FGF20: variants seen among roughly 807,000 people sequenced by gnomAD.
FGF20 encodes the protein fibroblast growth factor 20.
A neutral mutation model predicts 16.7 loss-of-function variants in FGF20; 8 were observed. That is an observed-to-expected ratio of 0.48 (90% confidence interval 0.28 to 0.87). FGF20 has a LOEUF of 0.87. Ranked by LOEUF, FGF20 falls within the 40% of genes least tolerant of loss-of-function variation. The pLI is 0.10. For missense variants in FGF20, 397 were observed against 281.4 expected, an observed-to-expected ratio of 1.41 and a Z score of -2.94; for synonymous variants, 161 against 118.6, an observed-to-expected ratio of 1.36 and a Z score of -2.32.
At chr8:16,994,213 C>A (rs1257433950) in intron 2 of FGF20, among the ~76,000 whole-genome samples, 2 of 152,200 alleles carry the variant, frequency 1.3e-5, no homozygotes, top group Non-Finnish European at 2.9e-5. Flanking sequence ...CAGAGTTCTA[C>A]CTATCAAGTC....
intron 1 of FGF20, among the ~76,000 whole-genome samples, chr8:16,997,834 G>A (rs1810090660): frequency 6.6e-6 from 1 of 151,804 alleles, no homozygotes; most frequent in Non-Finnish European, 1.5e-5. Context: ...AAACATAATT[G>A]GTAGAAAATA....
Position 17,001,770 on chromosome 8 carries a change from G to T in FGF20, c.263C>A (p.Thr88Asn). ...ACCGAAGAGGCTGTGGTCCTGCCGG[G>T]TGCCCTGCACGCTGCCGTCGGGCAG... The part of the protein sequence containing the change: ...QILPDGSVQG[T>N]RQDHSLFGIL... Residue 88 changes from threonine (T) to asparagine (N), a missense_variant, in exon 1 of 3, where the codon ACC (threonine) becomes AAC (asparagine). Coordinates refer to ENST00000180166, the MANE Select transcript of FGF20 (RefSeq NM_019851.3). 2.5e-6 allele frequency: 4 copies of T among 1,577,066 alleles called. No individual in the cohort carries two copies. The highest frequency in any genetic ancestry group is 3.4e-6 in the Non-Finnish European group (4 of 1,165,206).
At chr8:16,994,227 ACT>A (rs1809989226) in intron 2 of FGF20, among the ~76,000 whole-genome samples, 1 of 152,158 alleles carries the variant, frequency 6.6e-6, no homozygotes, top group African/African-American at 2.4e-5. Context: ...TCAAGTCTCT[ACT>A]CTCACCTTGG....
Position 17,000,250 on chromosome 8 carries a change from A to G in FGF20, c.286+1497T>C, listed in dbSNP as rs191648181. ...TCATGACAGTCTTGACTGATAGTCA[A>G]TGGGAATTTGGAAGAGATCAGTGGA... On this transcript the variant is annotated intron_variant, in intron 1 of 2. Coordinates refer to ENST00000180166, the MANE Select transcript of FGF20 (RefSeq NM_019851.3). 6.6e-3 allele frequency among the ~76,000 whole-genome samples: 1,004 copies of G among 152,312 alleles called. 10 individuals carry two copies. The highest frequency in any genetic ancestry group is 0.011 in the Non-Finnish European group (722 of 68,018).
chr8:16,997,039 A>G (rs910380661), intron 1 of FGF20, among the ~76,000 whole-genome samples: 12 of 152,238 alleles, frequency 7.9e-5, no homozygotes, highest in African/African-American at 2.4e-4. Flanking sequence ...TGATAGCCAA[A>G]TATAATGAAT....
At chr8:17,001,652 A>G (rs1810186497) in intron 1 of FGF20, 95 bp downstream of exon 1, 2 of 1,345,990 alleles carry the variant, frequency 1.5e-6, no homozygotes, top group Admixed American at 2.9e-5. Flanking sequence ...CGCGGCGATG[A>G]CGCCCTTGGC....
At chr8:16,999,347 A>G (rs1439074412) in intron 1 of FGF20, among the ~76,000 whole-genome samples, 1 of 152,162 alleles carries the variant, frequency 6.6e-6, no homozygotes, top group East Asian at 1.9e-4. Flanking sequence ...TAATTCTGAT[A>G]TTCAACTTCC....
chr8:17,001,452 G>C (rs1381378672), intron 1 of FGF20, among the ~76,000 whole-genome samples: 1 of 152,094 alleles, frequency 6.6e-6, no homozygotes, highest in Non-Finnish European at 1.5e-5. Flanking sequence ...GAAGGGCAAG[G>C]GGAAGGCAGG....
At position 16,993,070 on chromosome 8, in the gene FGF20, C is replaced by T; in HGVS notation, c.*2G>A. 1 of 1,613,560 alleles carries T rather than the reference C, an allele frequency of 6.2e-7. No individual in the cohort carries two copies. The highest frequency in any genetic ancestry group is 8.5e-7 in the Non-Finnish European group (1 of 1,179,846). On this transcript the variant is annotated 3_prime_UTR_variant, in exon 3 of 3. Coordinates refer to ENST00000180166, the MANE Select transcript of FGF20 (RefSeq NM_019851.3). ...ACTCTTCCATAATGTCACTATCGCA[C>T]TTCAAGTGTACATCAGTAGGTCCTT...
chr8:16,999,110 C>T (rs1436980157), intron 1 of FGF20, among the ~76,000 whole-genome samples: 1 of 152,176 alleles, frequency 6.6e-6, no homozygotes, highest in Non-Finnish European at 1.5e-5. Context: ...GTTATGATGT[C>T]TATGATATTG....
chr8:17,001,219 C>T (rs1002091251), intron 1 of FGF20, among the ~76,000 whole-genome samples: 6 of 152,122 alleles, frequency 3.9e-5, no homozygotes, highest in Admixed American at 6.5e-5. Flanking sequence ...CAATCCATGC[C>T]CAGAGCAGCC....
chr8:17,002,290 C>G lies in FGF20; in HGVS notation c.-258G>C, dbSNP rs1452535126. On this transcript the variant is annotated 5_prime_UTR_variant, in exon 1 of 3. Coordinates refer to ENST00000180166, the MANE Select transcript of FGF20 (RefSeq NM_019851.3). ...ATATCTATAGCTGCCGCTGCCAATACTAGGACTAGGGCTGTTGGCTGGGGC... is the reference window on the plus strand; with the variant it reads ...ATATCTATAGCTGCCGCTGCCAATAGTAGGACTAGGGCTGTTGGCTGGGGC... 1 of 418,636 alleles carries G rather than the reference C, an allele frequency of 2.4e-6. No homozygotes were observed. The highest frequency in any genetic ancestry group is 4.6e-5 in the East Asian group (1 of 21,976). 25.9% of individuals were successfully genotyped at this position (418,636 alleles called of 1,614,324 possible).
chr8:16,994,930 G>C (rs1046921557), intron 2 of FGF20, among the ~76,000 whole-genome samples: 3 of 152,110 alleles, frequency 2.0e-5, no homozygotes, highest in Non-Finnish European at 4.4e-5. Context: ...GGTAGAGTGT[G>C]ATATTGTCCT....
Position 17,001,714 on chromosome 8 carries a change from A to C in FGF20, c.286+33T>G, listed in dbSNP as rs374860277. 72 of 1,547,754 alleles carry C rather than the reference A, an allele frequency of 4.7e-5. No homozygotes were observed. In the African/African-American group the frequency reaches 7.6e-4, roughly 16 times the overall value. On this transcript the variant is annotated intron_variant, in intron 1 of 2. Coordinates refer to ENST00000180166, the MANE Select transcript of FGF20 (RefSeq NM_019851.3). ...GGAACGAGGAGCCGAGCTGGGGCGC[A>C]GATGGGGGTGGGGTCGGGATGCTAG...
Position 16,992,311 on chromosome 8 carries a change from C to T in FGF20, c.*761G>A, listed in dbSNP as rs952791862. On this transcript the variant is annotated 3_prime_UTR_variant, in exon 3 of 3. Transcript: ENST00000180166. Reference sequence around the variant, plus strand: ...GACTGCATAAAAAATATAATCTATACTATATTTTAAAAAGAAATTCAAAAT... The same window carrying T: ...GACTGCATAAAAAATATAATCTATATTATATTTTAAAAAGAAATTCAAAAT... 4 of 151,948 alleles carry T rather than the reference C, an allele frequency of 2.6e-5. No homozygotes were observed. The highest frequency in any genetic ancestry group is 2.0e-4 in the Admixed American group (3 of 15,258). 9.4% of individuals were successfully genotyped at this position (151,948 alleles called of 1,614,324 possible). A position where few individuals can be genotyped will look rare whatever the true frequency, so the allele number is the denominator to read the frequency against.
chr8:16,993,058 G>C lies in FGF20; in HGVS notation c.*14C>G. The C allele has an allele frequency of 6.2e-7, 1 of 1,611,262 alleles. No homozygotes were observed. The highest frequency in any genetic ancestry group is 8.5e-7 in the Non-Finnish European group (1 of 1,178,698). ...GGTTGTGGTTTGACTCTTCCATAAT[G>C]TCACTATCGCACTTCAAGTGTACAT... On this transcript the variant is annotated 3_prime_UTR_variant, in exon 3 of 3. Transcript: ENST00000180166.
rs1488739983 is a variant in FGF20 at position 16,992,865 on chromosome 8, T to A, written c.*207A>T. On this transcript the variant is annotated 3_prime_UTR_variant, in exon 3 of 3. Coordinates refer to ENST00000180166, the MANE Select transcript of FGF20 (RefSeq NM_019851.3). ...CTAATCCAATGTATCTAAGGGAACT[T>A]AATCCACATATAAAGAGTGATCATG... 1.7e-6 allele frequency: 1 copy of A among 578,112 alleles called. No homozygotes were observed. The highest frequency in any genetic ancestry group is 1.9e-5 in the African/African-American group (1 of 53,192). 35.8% of individuals were successfully genotyped at this position (578,112 alleles called of 1,614,324 possible).
intron 1 of FGF20, among the ~76,000 whole-genome samples, chr8:17,000,771 A>G (rs1429956385): frequency 1.3e-5 from 2 of 151,884 alleles, no homozygotes; most frequent in Non-Finnish European, 2.9e-5. Flanking sequence ...GAAGTCATTA[A>G]CAGGAGAGAC....
At position 17,002,019 on chromosome 8, in the gene FGF20, G is replaced by T; in HGVS notation, c.14C>A (p.Ala5Asp). The T allele has an allele frequency of 6.5e-7, 1 of 1,537,924 alleles. No homozygotes were observed. The highest frequency in any genetic ancestry group is 8.7e-7 in the Non-Finnish European group (1 of 1,142,858). Residue 5 changes from alanine (A) to aspartate (D), a missense_variant, in exon 1 of 3, where the codon GCC becomes GAC. Coordinates refer to ENST00000180166, the MANE Select transcript of FGF20 (RefSeq NM_019851.3). MAPLAEVGGFLGGLE... is the reference protein window; with the variant it reads MAPLDEVGGFLGGLE... ...GCCGCCCAGAAAGCCCCCGACTTCG[G>T]CTAAGGGAGCCATGGAGGGGGAGAT...
Sources: gnomAD v4.1 joint callset for allele counts (sites outside exome capture counted in the v4.1 genomes callset) on GRCh38, gnomAD v4.1.1 for gene constraint, MANE v1.5 for transcripts, NCBI Gene and HGNC (gene_info 2026-07-23, HGNC 2026-07-21) for gene names.